The following ZNF536 variants were observed in gnomAD, a reference collection of about 807,000 sequenced individuals.
The protein encoded by ZNF536 is zinc finger protein 536.
A neutral mutation model predicts 84.5 loss-of-function variants in ZNF536; 13 were observed. The ratio of observed to expected loss-of-function variants is 0.15; its 90% CI spans 0.10 to 0.24. The LOEUF is 0.24. Among genes scored for constraint, ZNF536 ranks in the 10% least tolerant of loss-of-function variants. ZNF536 has a pLI of 1.00. For synonymous variants in ZNF536, 811 were observed against 742.5 expected (o/e 1.09, Z -1.50); for missense variants, 1,536 against 1,747.5 (o/e 0.88, Z 2.16).
At chr19:30,615,688 G>A (rs540110303) in intron 1 of ZNF536, among the ~76,000 whole-genome samples, 1 of 152,074 alleles carries the variant, frequency 6.6e-6, no homozygotes, top group Admixed American at 6.5e-5. Flanking sequence ...GGAGGAGAAG[G>A]TAAAAAGCTA....
chr19:30,298,578 A>G (rs2046082800), intron 2 of ZNF536, among the ~76,000 whole-genome samples: 1 of 152,208 alleles, frequency 6.6e-6, no homozygotes, highest in African/African-American at 2.4e-5. Flanking sequence ...CCTGTCTCAC[A>G]CCAAAGAAAC....
At chr19:30,225,704 G>C (rs2022576167), upstream of ZNF536, among the ~76,000 whole-genome samples, 1 of 144,340 alleles carries the variant, frequency 6.9e-6, no homozygotes, top group East Asian at 2.1e-4. Flanking sequence ...GGGATCGCGG[G>C]GCGCGGCGCG....
chr19:30,434,904 G>T (rs369794296), intron 1 of ZNF536, among the ~76,000 whole-genome samples: 1 of 72,934 alleles, frequency 1.4e-5, no homozygotes, highest in African/African-American at 6.0e-5. Context: ...GCTGATGATG[G>T]TGATGATGCT....
At chr19:30,464,694 C>A (rs2053306194) in intron 2 of ZNF536, among the ~76,000 whole-genome samples, 1 of 151,796 alleles carries the variant, frequency 6.6e-6, no homozygotes, top group Non-Finnish European at 1.5e-5. Flanking sequence ...GAAGTAGGTC[C>A]CATGGGAAGA....
intron 1 of ZNF536, among the ~76,000 whole-genome samples, chr19:30,664,471 G>C (rs1177703354): frequency 6.6e-6 from 1 of 152,156 alleles, no homozygotes; most frequent in Non-Finnish European, 1.5e-5. Context: ...TGCAGGCTCA[G>C]AGCAACAGGC....
intron 2 of ZNF536, among the ~76,000 whole-genome samples, chr19:30,489,258 A>G (rs2054413449): frequency 6.6e-6 from 1 of 152,186 alleles, no homozygotes; most frequent in Admixed American, 6.5e-5. Context: ...GCCATTAACA[A>G]TCATGCATTG....
At chr19:30,680,418 A>C (rs1248363090) in intron 1 of ZNF536, among the ~76,000 whole-genome samples, 1 of 100,402 alleles carries the variant, frequency 1.0e-5, no homozygotes. Flanking sequence ...CCACCCCACA[A>C]CAGTCCCCAG....
At chr19:30,684,647 G>A (rs575524329) in intron 1 of ZNF536, among the ~76,000 whole-genome samples, 1 of 152,326 alleles carries the variant, frequency 6.6e-6, no homozygotes, top group South Asian at 2.1e-4. Flanking sequence ...CTTGGCTTTG[G>A]TTTGCTTTCC....
chr19:30,643,784 C>A (rs1172764731), intron 1 of ZNF536, among the ~76,000 whole-genome samples: 2 of 152,034 alleles, frequency 1.3e-5, no homozygotes, highest in African/African-American at 4.8e-5. Flanking sequence ...GGGGGTGGTG[C>A]TTACATCTCC....
At chr19:30,562,054 T>C (rs1599814270), downstream of ZNF536, among the ~76,000 whole-genome samples, 1 of 152,250 alleles carries the variant, frequency 6.6e-6, no homozygotes, top group East Asian at 1.9e-4. Flanking sequence ...GGCGGGCTGG[T>C]CTGGGGGAGA....
At position 30,389,120 on chromosome 19, in the gene ZNF536, G is replaced by A. The variant is rs2049469929; in HGVS notation, c.-3+16564G>A. ...GCCTGCCTGTTTCCTTTCCTTGGGTGTGGGACCCCCCTAGTGTGAGTTCAC... is the reference window on the plus strand; with the variant it reads ...GCCTGCCTGTTTCCTTTCCTTGGGTATGGGACCCCCCTAGTGTGAGTTCAC... On this transcript the variant is annotated intron_variant, in intron 1 of 4. Transcript: ENST00000355537. 2.6e-5 allele frequency among the ~76,000 whole-genome samples: 4 copies of A among 152,224 alleles called. No homozygotes were observed. The South Asian group carries it at 8.3e-4, about 31-fold the overall frequency.
chr19:30,248,203 TTC>T (rs2024390583), intron 1 of ZNF536, among the ~76,000 whole-genome samples: 1 of 150,818 alleles, frequency 6.6e-6, no homozygotes, highest in African/African-American at 2.4e-5. Flanking sequence ...TTTTCTTTCT[TTC>T]TTTCTTTTTC....
chr19:30,656,756 C>G (rs2049930039), intron 1 of ZNF536, among the ~76,000 whole-genome samples: 1 of 152,212 alleles, frequency 6.6e-6, no homozygotes, highest in African/African-American at 2.4e-5. Flanking sequence ...CACTGCGGGA[C>G]AGGCAAGGCC....
At chr19:30,583,204 T>C (rs73924789) in intron 1 of ZNF536, among the ~76,000 whole-genome samples, 1 of 152,062 alleles carries the variant, frequency 6.6e-6, no homozygotes. Context: ...TTGGAAGGAG[T>C]TCCTGGTCTC....
At chr19:30,570,649 A>G (rs952107231) in intron 1 of ZNF536, among the ~76,000 whole-genome samples, 1 of 152,156 alleles carries the variant, frequency 6.6e-6, no homozygotes, top group African/African-American at 2.4e-5. Context: ...CCCATTGGAC[A>G]GGCTGGCGGA....
chr19:30,658,234 CTAGTCTTGAAG>C (rs1159021187), intron 1 of ZNF536, among the ~76,000 whole-genome samples: 1 of 152,106 alleles, frequency 6.6e-6, no homozygotes, highest in Non-Finnish European at 1.5e-5. Flanking sequence ...ATTGGCCAGA[CTAGTCTTGAAG>C]TTCTGACTTC....
In ZNF536 at chr19:30,548,313, T is replaced by C. The variant is rs2045635521; in HGVS notation, c.2694T>C (p.Ser898=). The C allele has an allele frequency of 1.2e-6, 2 of 1,614,032 alleles. No homozygotes were observed. Among genetic ancestry groups the C allele is most frequent in the Admixed American group, 1.7e-5 (1 of 60,012 alleles). The stretch of plus-strand genomic sequence containing the variant: ...TTCCTTCCAAAAGCACCCACTTCTC[T>C]GAGATCGGAAGAGCTTATCAAAGCA... ...TDLPSKSTHF[S]EIGRAYQSIV... The change falls in exon 4 of 5, where the codon TCT becomes TCC. Residue 898 remains serine (S), a synonymous_variant. Coordinates refer to ENST00000355537, the MANE Select transcript of ZNF536 (RefSeq NM_014717.3).
At chr19:30,389,813 GCTCCCTATCTT>G (rs2049504864) in intron 1 of ZNF536, among the ~76,000 whole-genome samples, 1 of 152,180 alleles carries the variant, frequency 6.6e-6, no homozygotes. Flanking sequence ...GGCCCCTCCA[GCTCCCTATCTT>G]CCAGAAGGGC....
At chr19:30,362,861 C>A (rs2048316121) in intron 3 of ZNF536, among the ~76,000 whole-genome samples, 1 of 152,078 alleles carries the variant, frequency 6.6e-6, no homozygotes, top group African/African-American at 2.4e-5. Flanking sequence ...GAGTTTGAGA[C>A]CAGCCTGGCC....
Sources: gnomAD v4.1 joint callset for allele counts (sites outside exome capture counted in the v4.1 genomes callset) on GRCh38, gnomAD v4.1.1 for gene constraint, MANE v1.5 for transcripts, NCBI Gene and HGNC (gene_info 2026-07-23, HGNC 2026-07-21) for gene names.